TDRD12: variants seen among roughly 807,000 people sequenced by gnomAD.
TDRD12 encodes the protein putative ATP-dependent RNA helicase TDRD12.
Under a neutral mutation model 133.5 loss-of-function variants are expected in TDRD12, and 158 were observed. The ratio of observed to expected loss-of-function variants is 1.18; its 90% CI spans 1.04 to 1.35. TDRD12 has a LOEUF of 1.35. Ranked by LOEUF, TDRD12 falls within the 40% of genes most tolerant of loss-of-function variation. The pLI is 0.00. For synonymous variants in TDRD12, 460 were observed against 477.9 expected (o/e 0.96, Z 0.49); for missense variants, 1,443 against 1,321.3 (o/e 1.09, Z -1.43).
At chr19:32,742,978 T>G in intron 4 of TDRD12, 78 bp downstream of exon 4, 1 of 1,517,406 alleles carries the variant, frequency 6.6e-7, no homozygotes, top group Non-Finnish European at 8.9e-7. Context: ...ATGAAGTCAG[T>G]TCCTCTGTAG....
chr19:32,806,022 G>A (rs763088669), intron 21 of TDRD12, among the ~76,000 whole-genome samples: 14 of 151,750 alleles, frequency 9.2e-5, no homozygotes, highest in South Asian at 2.1e-4. Context: ...GTGAGCCACC[G>A]CACCCGGCCT....
chr19:32,724,611 A>G (rs1204383835), intron 1 of TDRD12, among the ~76,000 whole-genome samples: 2 of 152,178 alleles, frequency 1.3e-5, no homozygotes, highest in Non-Finnish European at 2.9e-5. Context: ...AATTTTCTTT[A>G]TCCAGTCTAT....
chr19:32,756,087 G>T, exon 7 of TDRD12: 2 of 1,481,822 alleles, frequency 1.3e-6, no homozygotes, highest in South Asian at 1.4e-5. Context: ...AACCAAGATT[G>T]AATATAAAAT....
At chr19:32,815,276 G>A (rs1357853832) in intron 25 of TDRD12, among the ~76,000 whole-genome samples, 172 bp from the exon 26 acceptor site, 1 of 152,236 alleles carries the variant, frequency 6.6e-6, no homozygotes, top group Non-Finnish European at 1.5e-5. Context: ...TGGAACCTCA[G>A]GTAGGAAGCA....
intron 2 of TDRD12, among the ~76,000 whole-genome samples, chr19:32,732,347 G>A (rs528294632): frequency 6.6e-6 from 1 of 152,286 alleles, no homozygotes; most frequent in East Asian, 1.9e-4. Flanking sequence ...GGCTAGTCAT[G>A]GAAGGGGGTG....
At chr19:32,738,803 ACT>A (rs1189818060) in intron 2 of TDRD12, 51 bp from the exon 3 acceptor site, 1 of 1,533,900 alleles carries the variant, frequency 6.5e-7, no homozygotes, top group African/African-American at 1.4e-5. Context: ...ATGGAGTAAC[ACT>A]CTGTCTCAAA....
Position 32,742,794 on chromosome 19 carries a change from G to GATGC in TDRD12, c.334_335insATGC (p.Val112AspfsTer11). Reference sequence around the variant, plus strand: ...TTTACTTTTTAGCATCCGAGTTGTAGTAGAATCGTTTATGCAGCTTCCCTA... The same window carrying GATGC: ...TTTACTTTTTAGCATCCGAGTTGTAGATGCTAGAATCGTTTATGCAGCTTCCCTA... On this transcript the variant is annotated frameshift_variant, in exon 4 of 28. Coordinates refer to ENST00000444215, the Ensembl canonical transcript of TDRD12. LOFTEE classifies it high-confidence loss of function. 1 of 1,551,672 alleles carries GATGC rather than the reference G, an allele frequency of 6.4e-7. No homozygotes were observed. The highest frequency in any genetic ancestry group is 1.2e-5 in the South Asian group (1 of 83,952).
chr19:32,742,906 T>C lies in TDRD12; in HGVS notation c.440+6T>C. The C allele has an allele frequency of 1.9e-6, 3 of 1,550,136 alleles. No homozygotes were observed. The highest frequency in any genetic ancestry group is 2.6e-6 in the Non-Finnish European group (3 of 1,146,678). ...CGAGACAGTACTGACATTGTGTAAG[T>C]ACAGTTTCTTAAGTCCTTCGAATCA... is the stretch of plus-strand genomic sequence containing the variant. On this transcript the variant is annotated splice_donor_region_variant and intron_variant, in intron 4 of 27. Transcript: ENST00000444215.
chr19:32,747,736 C>T (rs796400854), intron 4 of TDRD12, among the ~76,000 whole-genome samples: 3 of 152,226 alleles, frequency 2.0e-5, no homozygotes, highest in African/African-American at 7.2e-5. Context: ...AGACCCAGTG[C>T]GTTAGCTCAC....
At chr19:32,826,405 C>A in intron 8 of TDRD12, 40 bp from the exon 31 acceptor site, 1 of 1,186,598 alleles carries the variant, frequency 8.4e-7, no homozygotes, top group Non-Finnish European at 1.0e-6. Flanking sequence ...TAATTTTTAG[C>A]ATTTTAAAAG....
At chr19:32,826,638 G>A (rs948455426) in intron 9 of TDRD12, 40 bp downstream of exon 31, 47 of 1,233,872 alleles carry the variant, frequency 3.8e-5, no homozygotes, top group Admixed American at 8.3e-5. Flanking sequence ...TTTACCCTGC[G>A]TGTGTCATAT....
At chr19:32,813,909 G>C in intron 25 of TDRD12, 133 bp downstream of exon 25, 1 of 623,312 alleles carries the variant, frequency 1.6e-6, no homozygotes, top group Non-Finnish European at 2.8e-6. Flanking sequence ...TTAGGGAGAG[G>C]TGTTTTTCAT....
chr19:32,772,520 T>C (rs1009580760), intron 8 of TDRD12, among the ~76,000 whole-genome samples: 5 of 152,224 alleles, frequency 3.3e-5, no homozygotes, highest in African/African-American at 1.2e-4. Context: ...TGTTCCGTTA[T>C]TAGCTGGTAT....
chr19:32,813,649 G>A, intron 24 of TDRD12, 35 bp from the exon 25 acceptor site: 1 of 1,254,042 alleles, frequency 8.0e-7, no homozygotes, highest in Non-Finnish European at 1.1e-6. Flanking sequence ...TTTTGTTAAA[G>A]CCTCACCTAA....
chr19:32,795,346 A>T (rs1197134850), intron 14 of TDRD12, among the ~76,000 whole-genome samples: 1 of 151,994 alleles, frequency 6.6e-6, no homozygotes, highest in Non-Finnish European at 1.5e-5. Flanking sequence ...AAAAAAAAAA[A>T]AAAAAAGAAA....
chr19:32,722,000 G>A (rs574759358), intron 1 of TDRD12, among the ~76,000 whole-genome samples: 31 of 152,002 alleles, frequency 2.0e-4, no homozygotes, highest in African/African-American at 7.2e-4. Flanking sequence ...ACAGGCGTGA[G>A]CCACCACGCC....
At chr19:32,774,139 A>T (rs1970515733) in intron 10 of TDRD12, among the ~76,000 whole-genome samples, 1 of 152,218 alleles carries the variant, frequency 6.6e-6, no homozygotes, top group East Asian at 1.9e-4. Context: ...TGCAGAAAGG[A>T]TGTAATGTTG....
At chr19:32,820,223 TTG>T (rs1157458679) in intron 27 of TDRD12, among the ~76,000 whole-genome samples, 1 of 152,042 alleles carries the variant, frequency 6.6e-6, no homozygotes, top group Non-Finnish European at 1.5e-5. Context: ...TCTCACAGGT[TTG>T]TGTGTGTGGC....
chr19:32,827,034 A>AT (rs1967614758), intron 9 of TDRD12, 130 bp from the exon 33 acceptor site: 1 of 450,306 alleles, frequency 2.2e-6, no homozygotes, highest in Non-Finnish European at 3.6e-6. Context: ...CTTACCTAAA[A>AT]TAATGAAAAT....
Sources: allele counts gnomAD v4.1 joint callset (sites outside exome capture counted in the v4.1 genomes callset), GRCh38; gene constraint gnomAD v4.1.1; transcripts MANE v1.5; gene names NCBI Gene and HGNC (gene_info 2026-07-23, HGNC 2026-07-21).